HECTD4: variants seen among roughly 807,000 people sequenced by gnomAD.
The protein encoded by HECTD4 is HECT domain E3 ubiquitin protein ligase 4.
A neutral mutation model predicts 471.5 loss-of-function variants in HECTD4; 114 were observed. The observed-to-expected ratio is 0.24, with a 90% CI of 0.21 to 0.28. The LOEUF (loss-of-function observed/expected upper bound fraction) is 0.28, where lower values mean the gene tolerates loss of function less well. HECTD4 is among the 10% of genes least tolerant of loss of function. HECTD4 has a pLI of 1.00. For synonymous variants in HECTD4, 2,012 were observed against 2,256.0 expected (o/e 0.89, Z 3.07); for missense variants, 3,866 against 5,651.5 (o/e 0.68, Z 10.13).
Position 112,265,079 on chromosome 12 carries a change from G to GT in HECTD4, c.2619+95dup. The GT allele has an allele frequency of 2.6e-6, 3 of 1,154,616 alleles. No homozygotes were observed. In the East Asian group the frequency reaches 8.1e-5, roughly 31 times the overall value. The allele number at this position is 1,154,616 out of a possible 1,614,324, so 71.5% of individuals were successfully genotyped here. On this transcript the variant is annotated intron_variant, in intron 16 of 75. Transcript: ENST00000682272. Reference sequence around the variant, plus strand: ...TGCGCCCGGCCTTTCATAAATTATTGTAAGTCTGTATGTATACACACACCT... The same window carrying GT: ...TGCGCCCGGCCTTTCATAAATTATTGTTAAGTCTGTATGTATACACACACCT...
rs535531075 is a variant in HECTD4 at position 112,337,994 on chromosome 12, C to T, written c.178-18252G>A. Among the ~76,000 whole-genome samples the T allele has an allele frequency of 1.1e-4, 16 of 152,254 alleles. 1 individual carries two copies. Among genetic ancestry groups the T allele is most frequent in the Non-Finnish European group, 1.5e-5 (1 of 68,018 alleles). On this transcript the variant is annotated intron_variant, in intron 1 of 75. Coordinates refer to ENST00000682272, the MANE Select transcript of HECTD4 (RefSeq NM_001388303.1). ...TCCTGTGCCTACTGTAACAAATCAC[C>T]AGGAATTTTGTGGCTTAAAACAACA...
At position 112,192,654 on chromosome 12, in the gene HECTD4, G is replaced by A. The variant is rs201253775; in HGVS notation, c.9198C>T (p.Asp3066=). 1.3e-3 allele frequency: 2,040 copies of A among 1,607,306 alleles called. 2 individuals carry two copies. Among genetic ancestry groups the A allele is most frequent in the Non-Finnish European group, 1.5e-3 (1,735 of 1,177,324 alleles). The change falls in exon 59 of 76, where the codon GAC becomes GAT. Residue 3066 remains aspartate, a synonymous_variant. Transcript: ENST00000682272. ...NLIEAACYPR[D]ASPANTGLAP... ...CAAGCCCAGTGTTGGCTGGGGACGC[G>A]TCCCGCGGGTAACAGGCGGCCTCGA... is the stretch of plus-strand genomic sequence containing the variant.
chr12:112,184,454 G>C lies in HECTD4; in HGVS notation c.10512C>G (p.Val3504=). 1 of 1,605,672 alleles carries C rather than the reference G, an allele frequency of 6.2e-7. No homozygotes were observed. The highest frequency in any genetic ancestry group is 1.7e-4 in the Middle Eastern group (1 of 6,040). ...GCAGCGGATCCACAGAGAGGTCGCT[G>C]ACGGTTTGGGAGATGCCCTGCGAGC... is the stretch of plus-strand genomic sequence containing the variant. ...ICSSQGISQT[V]SDLSVDPLPA... The change falls in exon 61 of 76, where the codon GTC becomes GTG. Residue 3504 remains valine (V), a synonymous_variant. Coordinates refer to ENST00000682272, the MANE Select transcript of HECTD4 (RefSeq NM_001388303.1). The surrounding 1 kb of genome is among the most constrained non-coding windows in gnomAD (Gnocchi z 9.1).
intron 55 of HECTD4, among the ~76,000 whole-genome samples, chr12:112,197,071 T>C: frequency 6.6e-6 from 1 of 151,992 alleles, no homozygotes; most frequent in East Asian, 1.9e-4. Flanking sequence ...GCTGGGATTA[T>C]AGGCGTGACC....
chr12:112,203,778 G>A lies in HECTD4; in HGVS notation c.8270-6C>T. On this transcript the variant is annotated splice_polypyrimidine_tract_variant and splice_region_variant and intron_variant, in intron 53 of 75. Coordinates refer to ENST00000682272, the MANE Select transcript of HECTD4 (RefSeq NM_001388303.1). The stretch of plus-strand genomic sequence containing the variant: ...GCGGGTTACTACTGTGAGACCTGAG[G>A]AGTGTAGAGGGAGAAGTTTTTCAGG... The A allele has an allele frequency of 6.3e-7, 1 of 1,578,506 alleles. No individual in the cohort carries two copies. The highest frequency in any genetic ancestry group is 8.6e-7 in the Non-Finnish European group (1 of 1,159,608).
Position 112,381,820 on chromosome 12 carries a change from C to G in HECTD4, c.177+132G>C, listed in dbSNP as rs2135778635. 1 of 527,532 alleles carries G rather than the reference C, an allele frequency of 1.9e-6. No homozygotes were observed. Among genetic ancestry groups the G allele is most frequent in the Non-Finnish European group, 2.8e-6 (1 of 356,626 alleles). The allele number at this position is 527,532 out of a possible 1,614,324, so 32.7% of individuals were successfully genotyped here. A position where few individuals can be genotyped will look rare whatever the true frequency, so the allele number is the denominator to read the frequency against. The stretch of plus-strand genomic sequence containing the variant: ...CGGCCGCGGCCCCACCTGCCCGCCC[C>G]GCGCCCACACACACCTGCCCCGGCA... On this transcript the variant is annotated intron_variant, in intron 1 of 75. Coordinates refer to ENST00000682272, the MANE Select transcript of HECTD4 (RefSeq NM_001388303.1). The surrounding 1 kb of genome is among the most constrained non-coding windows in gnomAD (Gnocchi z 4.1).
intron 7 of HECTD4, among the ~76,000 whole-genome samples, chr12:112,295,518 T>G (rs906989923): frequency 1.3e-5 from 2 of 151,240 alleles, no homozygotes; most frequent in African/African-American, 4.9e-5. Context: ...TTTTTTTTTT[T>G]TAGTAGAGAC....
intron 1 of HECTD4, among the ~76,000 whole-genome samples, chr12:112,347,235 C>T (rs1008035671): frequency 9.2e-5 from 14 of 152,140 alleles, no homozygotes; most frequent in Non-Finnish European, 1.5e-4. Flanking sequence ...CTCAGCCAGG[C>T]ATGGTGGCTC....
chr12:112,198,489 A>G (rs1294263959), intron 55 of HECTD4, among the ~76,000 whole-genome samples: 1 of 152,174 alleles, frequency 6.6e-6, no homozygotes, highest in East Asian at 1.9e-4. Flanking sequence ...TTCTGTGTCT[A>G]AAAGATCGCT....
chr12:112,257,658 T>TA, intron 20 of HECTD4, among the ~76,000 whole-genome samples: 1 of 152,326 alleles, frequency 6.6e-6, no homozygotes, highest in South Asian at 2.1e-4. Flanking sequence ...TTGTTGTATA[T>TA]AACAAAAGTT....
chr12:112,246,974 C>T lies in HECTD4; in HGVS notation c.4440G>A (p.Leu1480=). ...LVKSLMNRAE[L]LLHVTIAAQS... ...GGGCTGCGATGGTGACATGCAGCAA[C>T]AGCTCGGCTCGGTTCATTAAACTCT... The change falls in exon 29 of 76, where the codon CTG becomes CTA. Residue 1480 remains leucine, a synonymous_variant. Transcript: ENST00000682272. 6.2e-7 allele frequency: 1 copy of T among 1,612,206 alleles called. No individual in the cohort carries two copies. Among genetic ancestry groups the T allele is most frequent in the Non-Finnish European group, 8.5e-7 (1 of 1,179,852 alleles).
In HECTD4 at chr12:112,274,929, C is replaced by T. The variant is rs556106994; in HGVS notation, c.1719G>A (p.Ser573=). ...CTGCACGACTTGTAAACTGACCATC[C>T]GAAATATTATACACCAAGCTGGAGG... ...ILASSLVYNI[S]DGQFTSRADL... is the part of the protein sequence containing the mutation. The change falls in exon 10 of 76, where the codon TCG becomes TCA. Residue 573 remains serine (S), a synonymous_variant. Transcript: ENST00000682272. 1.7e-5 allele frequency: 26 copies of T among 1,549,956 alleles called. No individual in the cohort carries two copies. Among genetic ancestry groups the T allele is most frequent in the African/African-American group, 4.1e-5 (3 of 73,112 alleles).
In HECTD4 at chr12:112,295,133, C is replaced by T. The variant is rs543171042; in HGVS notation, c.1335+10931G>A. 9.5e-5 allele frequency among the ~76,000 whole-genome samples: 12 copies of T among 125,838 alleles called. No individual in the cohort carries two copies. In the East Asian group the frequency reaches 3.0e-3, roughly 31 times the overall value. The allele number at this position is 125,838 out of a possible 152,430, so 82.6% of individuals were successfully genotyped here. ...TAGCCGAGGCAACATAGCGAAATCC[C>T]GTCTGAAAAAAAAAAAGAGAGAGAA... On this transcript the variant is annotated intron_variant, in intron 7 of 75. Transcript: ENST00000682272.
intron 2 of HECTD4, among the ~76,000 whole-genome samples, chr12:112,314,960 A>G (rs541458633): frequency 8.5e-5 from 13 of 152,342 alleles, no homozygotes; most frequent in African/African-American, 3.1e-4. Flanking sequence ...ATTCATTTGG[A>G]AAAACAGCTA....
At position 112,184,567 on chromosome 12, in the gene HECTD4, C is replaced by T; in HGVS notation, c.10399G>A (p.Asp3467Asn). The T allele has an allele frequency of 6.2e-7, 1 of 1,613,596 alleles. No individual in the cohort carries two copies. Among genetic ancestry groups the T allele is most frequent in the Non-Finnish European group, 8.5e-7 (1 of 1,179,868 alleles). The change falls in exon 61 of 76, where the codon GAC becomes AAC. Residue 3467 changes from aspartate to asparagine, a missense_variant. Physicochemically the swap from Asp to Asn is conservative, Grantham distance 23 (BLOSUM62 1). Coordinates refer to ENST00000682272, the MANE Select transcript of HECTD4 (RefSeq NM_001388303.1). The surrounding 1 kb of genome is among the most constrained non-coding windows in gnomAD (Gnocchi z 9.1). Reference sequence around the variant, plus strand: ...CTGGACGTGCTGACCTCCATGCTGTCTGTGCCGGGGAAGGCCAGTGTCTTC... The same window carrying T: ...CTGGACGTGCTGACCTCCATGCTGTTTGTGCCGGGGAAGGCCAGTGTCTTC... ...PEKTLAFPGT[D>N]SMEVSTSSSL...
At chr12:112,315,236 A>G (rs1261172820) in intron 2 of HECTD4, among the ~76,000 whole-genome samples, 1 of 152,192 alleles carries the variant, frequency 6.6e-6, no homozygotes, top group East Asian at 1.9e-4. Flanking sequence ...CACCACAAGA[A>G]CACTTCCTGA....
intron 52 of HECTD4, among the ~76,000 whole-genome samples, chr12:112,205,286 T>C (rs2032542354): frequency 6.6e-6 from 1 of 151,418 alleles, no homozygotes; most frequent in Non-Finnish European, 1.5e-5. Flanking sequence ...AAATACAAAT[T>C]AGCTGGGCAT....
chr12:112,217,813 T>G (rs2032968099), intron 45 of HECTD4, among the ~76,000 whole-genome samples: 1 of 152,198 alleles, frequency 6.6e-6, no homozygotes, highest in South Asian at 2.1e-4. Context: ...GTACAATTTA[T>G]AAATGCATGA....
At chr12:112,189,745 G>A (rs770378842) in intron 60 of HECTD4, among the ~76,000 whole-genome samples, 5 of 151,760 alleles carry the variant, frequency 3.3e-5, no homozygotes, top group Admixed American at 1.3e-4. Context: ...GAAGGCATCC[G>A]AGTGTGCAGT....
Sources: allele counts gnomAD v4.1 joint callset (sites outside exome capture counted in the v4.1 genomes callset), GRCh38; gene constraint gnomAD v4.1.1; non-coding constraint Gnocchi (gnomAD v3.1); transcripts MANE v1.5; gene names NCBI Gene and HGNC (gene_info 2026-07-23, HGNC 2026-07-21).